The following FHIT variants were observed in gnomAD, a reference collection of about 807,000 sequenced individuals.
FHIT encodes the protein bis(5'-adenosyl)-triphosphatase.
Under a neutral mutation model 17.9 loss-of-function variants are expected in FHIT, and 19 were observed. That is an observed-to-expected ratio of 1.06 (90% CI 0.74 to 1.56). The LOEUF (loss-of-function observed/expected upper bound fraction) is 1.56, where lower values mean the gene tolerates loss of function less well. Among genes scored for constraint, FHIT ranks in the 40% most tolerant of loss-of-function variants. The pLI, the probability that FHIT is intolerant of heterozygous loss-of-function variation, is 0.00. For synonymous variants in FHIT, 81 were observed against 69.7 expected, an observed-to-expected ratio of 1.16 and a Z score of -0.81; for missense variants, 248 against 189.2, an observed-to-expected ratio of 1.31 and a Z score of -1.82.
intron 5 of FHIT, among the ~76,000 whole-genome samples, chr3:60,471,869 A>C (rs1468330715): frequency 6.6e-6 from 1 of 152,080 alleles, no homozygotes; most frequent in African/African-American, 2.4e-5. Flanking sequence ...ATGGCCATGG[A>C]ATCTTCCCAT....
chr3:60,350,538 G>A (rs780319269), intron 5 of FHIT, among the ~76,000 whole-genome samples: 1 of 152,054 alleles, frequency 6.6e-6, no homozygotes, highest in Non-Finnish European at 1.5e-5. Flanking sequence ...AAGCATTTGT[G>A]CTTTCCCAAA....
chr3:61,088,442 GC>G (rs2035372045), intron 2 of FHIT, among the ~76,000 whole-genome samples: 5 of 152,232 alleles, frequency 3.3e-5, no homozygotes, highest in East Asian at 1.9e-4. Flanking sequence ...ATAACAACAT[GC>G]TACCTTGTAC....
At chr3:60,058,624 C>A (rs1450796425) in intron 5 of FHIT, among the ~76,000 whole-genome samples, 2 of 152,156 alleles carry the variant, frequency 1.3e-5, no homozygotes, top group Non-Finnish European at 2.9e-5. Context: ...GCCACATCTG[C>A]CCTGATTCCA....
chr3:60,845,179 T>G (rs755052863), intron 3 of FHIT, among the ~76,000 whole-genome samples: 1 of 152,124 alleles, frequency 6.6e-6, no homozygotes, highest in Non-Finnish European at 1.5e-5. Flanking sequence ...AATGTTAGTG[T>G]TCCAAGCTTT....
intron 5 of FHIT, among the ~76,000 whole-genome samples, chr3:60,430,759 T>C (rs1702857972): frequency 6.6e-6 from 1 of 152,072 alleles, no homozygotes; most frequent in Non-Finnish European, 1.5e-5. Context: ...GGAGATTACA[T>C]CTATGTAAGG....
intron 4 of FHIT, among the ~76,000 whole-genome samples, chr3:60,703,412 T>C (rs1041444874): frequency 7.9e-5 from 12 of 152,220 alleles, no homozygotes; most frequent in African/African-American, 2.7e-4. Context: ...TTTTAGGAAA[T>C]TAACAAAGCA....
At chr3:59,903,402 T>G (rs187977262) in intron 8 of FHIT, among the ~76,000 whole-genome samples, 2 of 152,318 alleles carry the variant, frequency 1.3e-5, no homozygotes, top group Admixed American at 1.3e-4. Flanking sequence ...ATCACTGAAT[T>G]GTACATTTTA....
At chr3:59,783,623 G>A (rs925454207) in intron 8 of FHIT, among the ~76,000 whole-genome samples, 3 of 152,052 alleles carry the variant, frequency 2.0e-5, no homozygotes, top group Non-Finnish European at 4.4e-5. Flanking sequence ...TGAGGTTTTG[G>A]GTCAGATAAT....
At chr3:59,897,732 GAAATGCTCC>G (rs2107055305) in intron 8 of FHIT, among the ~76,000 whole-genome samples, 1 of 151,206 alleles carries the variant, frequency 6.6e-6, no homozygotes, top group Non-Finnish European at 1.5e-5. Context: ...CTGAAAATCT[GAAATGCTCC>G]AAATGCTCCA....
intron 3 of FHIT, among the ~76,000 whole-genome samples, chr3:60,960,986 T>C (rs954142266): frequency 1.3e-5 from 2 of 152,250 alleles, no homozygotes; most frequent in African/African-American, 4.8e-5. Flanking sequence ...TTTCTAGTTC[T>C]AGATCCTTGA....
At chr3:60,485,036 AC>A (rs2033776133) in intron 5 of FHIT, among the ~76,000 whole-genome samples, 1 of 152,214 alleles carries the variant, frequency 6.6e-6, no homozygotes, top group South Asian at 2.1e-4. Context: ...TACATAACCA[AC>A]AAACATATGA....
chr3:61,105,374 A>G (rs1035320788), intron 2 of FHIT, among the ~76,000 whole-genome samples: 1 of 152,080 alleles, frequency 6.6e-6, no homozygotes, highest in African/African-American at 2.4e-5. Flanking sequence ...TGTGTGCTGT[A>G]ACTCTGGGGT....
chr3:60,373,639 T>G (rs1228801010), intron 5 of FHIT, among the ~76,000 whole-genome samples: 1 of 152,094 alleles, frequency 6.6e-6, no homozygotes, highest in African/African-American at 2.4e-5. Context: ...TTGGTGGTAG[T>G]AGGGAGACCA....
rs192951640 is a variant in FHIT, at chr3:60,266,109, A to G, written c.104-251957T>C. On this transcript the variant is annotated intron_variant, in intron 5 of 9. Transcript: ENST00000492590. Reference sequence around the variant, plus strand: ...ACACAAAAGTTCTATATGAATGTTTATAACAGCATCATCCATAAAAGCCTA... The same window carrying G: ...ACACAAAAGTTCTATATGAATGTTTGTAACAGCATCATCCATAAAAGCCTA... 2.1e-4 allele frequency among the ~76,000 whole-genome samples: 32 copies of G among 152,204 alleles called. No individual in the cohort carries two copies. The East Asian group carries it at 6.0e-3, about 28-fold the overall frequency.
intron 4 of FHIT, among the ~76,000 whole-genome samples, chr3:60,545,095 TAAAGA>T (rs5849372): frequency 0.95 from 142,730 of 150,690 alleles, 67,653 homozygotes; most frequent in East Asian, 1. Context: ...TCTGATTTAC[TAAAGA>T]TTTTTTTTTT....
At chr3:59,937,931 A>G (rs1706322128) in intron 7 of FHIT, among the ~76,000 whole-genome samples, 1 of 152,150 alleles carries the variant, frequency 6.6e-6, no homozygotes. Context: ...GTGAGCAGGT[A>G]TTTACGTCAA....
intron 8 of FHIT, among the ~76,000 whole-genome samples, chr3:59,803,978 G>A (rs1019079499): frequency 2.6e-5 from 4 of 152,152 alleles, no homozygotes; most frequent in Admixed American, 1.3e-4. Context: ...TTACTTCTGC[G>A]CCAACATAAT....
intron 5 of FHIT, among the ~76,000 whole-genome samples, chr3:60,020,344 A>G (rs959275938): frequency 1.3e-5 from 2 of 152,220 alleles, no homozygotes; most frequent in African/African-American, 4.8e-5. Context: ...ATGATTAATT[A>G]AAGATGACAG....
intron 5 of FHIT, among the ~76,000 whole-genome samples, chr3:60,083,958 C>T (rs1278497472): frequency 6.6e-6 from 1 of 152,168 alleles, no homozygotes; most frequent in East Asian, 1.9e-4. Context: ...ATCAAATTCA[C>T]CCTTTGGTAT....
Sources: gnomAD v4.1 joint callset for allele counts (sites outside exome capture counted in the v4.1 genomes callset) on GRCh38, gnomAD v4.1.1 for gene constraint, MANE v1.5 for transcripts, NCBI Gene and HGNC (gene_info 2026-07-23, HGNC 2026-07-21) for gene names.